Variants in DZANK1 observed in about 807,000 individuals in gnomAD.
The protein encoded by DZANK1 is double zinc ribbon and ankyrin repeat-containing protein 1.
Under a neutral mutation model 94.5 loss-of-function variants are expected in DZANK1, and 91 were observed. The observed-to-expected ratio is 0.96, with a 90% CI of 0.81 to 1.15. The LOEUF is 1.15. Among genes scored for constraint, DZANK1 ranks in the 50% most tolerant of loss-of-function variants. The probability of loss-of-function intolerance (pLI) is 0.00; values close to 1 mark genes in which losing one functional copy is unlikely to be tolerated. For missense variants in DZANK1, 903 were observed against 916.4 expected, an observed-to-expected ratio of 0.99 and a Z score of 0.19; for synonymous variants, 312 against 325.3, an observed-to-expected ratio of 0.96 and a Z score of 0.44.
intron 17 of DZANK1, among the ~76,000 whole-genome samples, chr20:18,392,892 C>A (rs1432307642): frequency 6.6e-6 from 1 of 152,156 alleles, no homozygotes; most frequent in Admixed American, 6.5e-5. Context: ...TTAAATTAAT[C>A]CATATGGAGG....
At position 18,412,706 on chromosome 20, in the gene DZANK1, G is replaced by A. The variant is rs764497661; in HGVS notation, c.1372C>T (p.Gln458Ter). 3.7e-6 allele frequency: 6 copies of A among 1,613,436 alleles called. No homozygotes were observed. Among genetic ancestry groups the A allele is most frequent in the Admixed American group, 1.7e-5 (1 of 59,982 alleles). Reference sequence around the variant, plus strand: ...TGGTCACTCATTTTCTCCTGCCTCTGCTTTTGAGAGGCTAGTTCCTGTTCC... The same window carrying A: ...TGGTCACTCATTTTCTCCTGCCTCTACTTTTGAGAGGCTAGTTCCTGTTCC... The change falls in exon 13 of 21, where the codon CAG (glutamine) becomes TAG (stop). Residue 458 changes from glutamine to a stop codon, truncating the protein, a stop_gained. Transcript: ENST00000262547. LOFTEE classifies it high-confidence loss of function.
At chr20:18,446,050 C>A (rs1397296414) in intron 7 of DZANK1, among the ~76,000 whole-genome samples, 1 of 149,234 alleles carries the variant, frequency 6.7e-6, no homozygotes, top group African/African-American at 2.5e-5. Context: ...TAGGCATGGG[C>A]CACCACGCCC....
At chr20:18,394,213 C>A in intron 16 of DZANK1, 41 bp downstream of exon 16, 1 of 1,564,688 alleles carries the variant, frequency 6.4e-7, no homozygotes, top group East Asian at 2.3e-5. Flanking sequence ...CCATGTGTTC[C>A]TGGTCAGTTG....
At chr20:18,416,037 C>G (rs1452808375) in intron 10 of DZANK1, among the ~76,000 whole-genome samples, 1 of 152,214 alleles carries the variant, frequency 6.6e-6, no homozygotes, top group Non-Finnish European at 1.5e-5. Flanking sequence ...AGTGACAGCA[C>G]AGTGGCTGCT....
intron 19 of DZANK1, among the ~76,000 whole-genome samples, chr20:18,389,352 T>G (rs1419775428): frequency 6.6e-6 from 1 of 152,166 alleles, no homozygotes; most frequent in Non-Finnish European, 1.5e-5. Flanking sequence ...TACACTAAGG[T>G]CTGTCTTCCC....
chr20:18,438,370 A>T (rs1381410027), intron 8 of DZANK1, among the ~76,000 whole-genome samples: 1 of 152,186 alleles, frequency 6.6e-6, no homozygotes, highest in African/African-American at 2.4e-5. Flanking sequence ...AATTGACTAA[A>T]TATCACATTC....
At position 18,429,082 on chromosome 20, in the gene DZANK1, T is replaced by C. The variant is rs530031652; in HGVS notation, c.862-1923A>G. On this transcript the variant is annotated intron_variant, in intron 9 of 20. Coordinates refer to ENST00000262547, the Ensembl canonical transcript of DZANK1. ...ATAATCAGCAATTGGCCAGCATTTA[T>C]CTATGAGATTTAGGGCTGTGACTTT... 2.0e-4 allele frequency among the ~76,000 whole-genome samples: 31 copies of C among 152,350 alleles called. 1 individual carries two copies. The South Asian group carries it at 6.2e-3, about 31-fold the overall frequency.
In DZANK1 at chr20:18,384,694, A is replaced by G. The variant is rs966235359; in HGVS notation, c.2094-130T>C. 1.0e-5 allele frequency: 10 copies of G among 980,982 alleles called. No homozygotes were observed. The African/African-American group carries it at 1.3e-4, about 13-fold the overall frequency. The allele number at this position is 980,982 out of a possible 1,614,324, so 60.8% of individuals were successfully genotyped here. A position where few individuals can be genotyped will look rare whatever the true frequency, so the allele number is the denominator to read the frequency against. ...TCCCACCTCCCCAAACCTCTCCCCA[A>G]GAGGTCACAGTGACTTCAGTTCTCA... On this transcript the variant is annotated intron_variant, in intron 20 of 20. Coordinates refer to ENST00000262547, the Ensembl canonical transcript of DZANK1.
intron 19 of DZANK1, among the ~76,000 whole-genome samples, chr20:18,386,297 G>A (rs1485595996): frequency 6.6e-6 from 1 of 152,140 alleles, no homozygotes; most frequent in African/African-American, 2.4e-5. Context: ...TGACAAAGCC[G>A]TTCTCTTATA....
chr20:18,383,477 T>C (rs1329691734), exon 21 of DZANK1: 1 of 152,144 alleles, frequency 6.6e-6, no homozygotes, highest in East Asian at 1.9e-4. Flanking sequence ...ATAAGGTCAA[T>C]CTTTACATAG....
At chr20:18,461,819 C>T (rs1242913599) in intron 2 of DZANK1, among the ~76,000 whole-genome samples, 2 of 151,988 alleles carry the variant, frequency 1.3e-5, no homozygotes, top group African/African-American at 4.8e-5. Flanking sequence ...AAGGTGGTCT[C>T]GAACTCCTGA....
At chr20:18,458,356 C>G (rs73900413) in intron 3 of DZANK1, among the ~76,000 whole-genome samples, 2,308 of 152,240 alleles carry the variant, frequency 0.015, 52 homozygotes, top group African/African-American at 0.053. Context: ...CTATGAGTCA[C>G]TCCAGCCAGT....
In DZANK1 at chr20:18,396,570, A is replaced by G. The variant is rs3818053; in HGVS notation, c.1537-24T>C. On this transcript the variant is annotated intron_variant, in intron 14 of 20. Transcript: ENST00000262547. The stretch of plus-strand genomic sequence containing the variant: ...AGCTTTTAAAAGAGTTGTAGAGAGA[A>G]TTCATAACTGTGGGTGTGGGACTCA... The G allele has an allele frequency of 1.4e-3, 2,201 of 1,589,206 alleles. 36 individuals carry two copies. The Admixed American group carries it at 0.03, about 22-fold the overall frequency.
chr20:18,408,478 A>G (rs576841330), intron 13 of DZANK1, among the ~76,000 whole-genome samples: 4 of 152,220 alleles, frequency 2.6e-5, no homozygotes, highest in Non-Finnish European at 5.9e-5. Context: ...AAACTCTAAA[A>G]GGTCAAGGAT....
intron 8 of DZANK1, among the ~76,000 whole-genome samples, chr20:18,438,447 C>T (rs186489475): frequency 6.6e-6 from 1 of 152,162 alleles, no homozygotes; most frequent in African/African-American, 2.4e-5. Context: ...ACTAGAAACA[C>T]ACCTTAAATT....
intron 13 of DZANK1, among the ~76,000 whole-genome samples, chr20:18,402,088 C>T (rs1021018293): frequency 2.1e-4 from 32 of 152,278 alleles, no homozygotes; most frequent in African/African-American, 7.7e-4. Flanking sequence ...GAATGACCAA[C>T]TTCTGGCATG....
At chr20:18,418,105 T>C (rs1372871227) in intron 10 of DZANK1, among the ~76,000 whole-genome samples, 1 of 151,842 alleles carries the variant, frequency 6.6e-6, no homozygotes, top group African/African-American at 2.4e-5. Context: ...AATCTGCTGA[T>C]AATACATGAA....
intron 1 of DZANK1, among the ~76,000 whole-genome samples, chr20:18,465,774 T>C (rs975759061): frequency 4.6e-5 from 7 of 152,338 alleles, no homozygotes; most frequent in East Asian, 1.9e-4. Context: ...CAAGTCATCA[T>C]ACAAGGGGAA....
At chr20:18,463,180 A>T (rs983643609) in intron 2 of DZANK1, among the ~76,000 whole-genome samples, 3 of 152,276 alleles carry the variant, frequency 2.0e-5, no homozygotes, top group Admixed American at 1.3e-4. Flanking sequence ...CTATGCAGTG[A>T]TAAAAAAGAA....
Sources: gnomAD v4.1 joint callset for allele counts (sites outside exome capture counted in the v4.1 genomes callset) on GRCh38, gnomAD v4.1.1 for gene constraint, MANE v1.5 for transcripts, NCBI Gene and HGNC (gene_info 2026-07-23, HGNC 2026-07-21) for gene names.